The following IMMP2L variants were observed in gnomAD, a reference collection of about 807,000 sequenced individuals.
IMMP2L encodes the protein inner mitochondrial membrane peptidase subunit 2, also known as mitochondrial inner membrane protease subunit 2.
IMMP2L carries 18 observed loss-of-function variants against 19.3 expected under a neutral mutation model. The ratio of observed to expected loss-of-function variants is 0.93; its 90% CI spans 0.64 to 1.38. The LOEUF is 1.38. Ranked by LOEUF, IMMP2L falls within the 40% of genes most tolerant of loss-of-function variation. The probability of loss-of-function intolerance (pLI) is 0.00; values close to 1 mark genes in which losing one functional copy is unlikely to be tolerated. For synonymous variants in IMMP2L, 76 were observed against 73.0 expected (o/e 1.04, Z -0.21); for missense variants, 233 against 218.2 (o/e 1.07, Z -0.43).
At chr7:111,017,149 C>G (rs1383107157) in intron 3 of IMMP2L, among the ~76,000 whole-genome samples, 1 of 150,192 alleles carries the variant, frequency 6.7e-6, no homozygotes. Context: ...CTCACTGCAG[C>G]CTCAACCTCC....
intron 3 of IMMP2L, among the ~76,000 whole-genome samples, chr7:111,089,277 A>G (rs1214765646): frequency 1.3e-5 from 2 of 152,160 alleles, no homozygotes; most frequent in East Asian, 1.9e-4. Context: ...TTAATCATGT[A>G]TCTGACTATC....
chr7:110,663,245 C>T lies in IMMP2L; in HGVS notation c.*357G>A, dbSNP rs1250475540. The T allele has an allele frequency of 5.2e-6, 1 of 192,644 alleles. No homozygotes were observed. Among genetic ancestry groups the T allele is most frequent in the East Asian group, 1.7e-4 (1 of 5,932 alleles). The allele number at this position is 192,644 out of a possible 1,614,324, so 11.9% of individuals were successfully genotyped here. A position where few individuals can be genotyped will look rare whatever the true frequency, so the allele number is the denominator to read the frequency against. ...AATATTAATTTTCAATTTATTTCAG[C>T]AGCAAGCACCAAAATCAAAACCCAA... On this transcript the variant is annotated 3_prime_UTR_variant, in exon 6 of 6. Coordinates refer to ENST00000405709, the MANE Select transcript of IMMP2L (RefSeq NM_032549.4).
At chr7:111,239,458 G>A (rs37716) in intron 3 of IMMP2L, among the ~76,000 whole-genome samples, 66,331 of 151,474 alleles carry the variant, frequency 0.44, 15,267 homozygotes, top group Non-Finnish European at 0.52. Flanking sequence ...AAATGTGCAC[G>A]AATTATAAAC....
At chr7:110,874,051 TA>T (rs1266881142) in intron 5 of IMMP2L, among the ~76,000 whole-genome samples, 1 of 152,072 alleles carries the variant, frequency 6.6e-6, no homozygotes, top group African/African-American at 2.4e-5. Context: ...AAAGAATATA[TA>T]GGGTATTTTT....
intron 3 of IMMP2L, among the ~76,000 whole-genome samples, chr7:111,077,492 C>T (rs1795513832): frequency 6.6e-6 from 1 of 152,166 alleles, no homozygotes; most frequent in African/African-American, 2.4e-5. Context: ...CCCTTATACA[C>T]AATCCATTAA....
At chr7:111,094,354 T>C (rs556394385) in intron 3 of IMMP2L, among the ~76,000 whole-genome samples, 2 of 152,206 alleles carry the variant, frequency 1.3e-5, no homozygotes, top group South Asian at 4.1e-4. Flanking sequence ...AAAAGAAAGC[T>C]AATAGTAGAC....
chr7:110,776,879 T>G (rs1319218744), intron 5 of IMMP2L, among the ~76,000 whole-genome samples: 1 of 152,000 alleles, frequency 6.6e-6, no homozygotes, highest in Non-Finnish European at 1.5e-5. Context: ...GTTTATTCTA[T>G]CTTATTGCAG....
chr7:111,250,011 C>G (rs946640779), intron 3 of IMMP2L, among the ~76,000 whole-genome samples: 1 of 152,070 alleles, frequency 6.6e-6, no homozygotes, highest in Non-Finnish European at 1.5e-5. Context: ...AAAACCCCAC[C>G]GTCTCAGCCC....
chr7:110,911,989 T>C (rs570573481), intron 4 of IMMP2L, among the ~76,000 whole-genome samples: 8 of 152,106 alleles, frequency 5.3e-5, no homozygotes, highest in Non-Finnish European at 1.0e-4. Context: ...CTATAGTACA[T>C]GCAATGTTTA....
chr7:110,818,158 C>T (rs916070009), intron 5 of IMMP2L, among the ~76,000 whole-genome samples: 2 of 152,086 alleles, frequency 1.3e-5, no homozygotes, highest in Admixed American at 1.3e-4. Flanking sequence ...AAAGAAACTA[C>T]CATCAGAGTG....
At chr7:111,210,901 A>G (rs1811238158) in intron 3 of IMMP2L, among the ~76,000 whole-genome samples, 1 of 152,176 alleles carries the variant, frequency 6.6e-6, no homozygotes, top group Non-Finnish European at 1.5e-5. Context: ...AGCAGTGTAG[A>G]TAAGGATAAG....
chr7:110,766,705 T>C (rs565212438), intron 5 of IMMP2L, among the ~76,000 whole-genome samples: 3 of 152,110 alleles, frequency 2.0e-5, no homozygotes, highest in Non-Finnish European at 4.4e-5. Flanking sequence ...CCTTTTTGAA[T>C]GGTTTCCTTT....
At chr7:111,288,192 A>G (rs1228518712) in intron 3 of IMMP2L, among the ~76,000 whole-genome samples, 4 of 152,192 alleles carry the variant, frequency 2.6e-5, no homozygotes, top group Admixed American at 1.3e-4. Context: ...ATATGCAGCC[A>G]TAAGCAGGAA....
intron 3 of IMMP2L, among the ~76,000 whole-genome samples, chr7:110,982,549 A>C (rs1186904156): frequency 1.3e-5 from 2 of 152,154 alleles, no homozygotes; most frequent in Non-Finnish European, 2.9e-5. Context: ...GGAGGTGGTC[A>C]TACTAGGTCA....
chr7:111,530,609 G>A (rs1166224151), intron 1 of IMMP2L, among the ~76,000 whole-genome samples: 1 of 151,640 alleles, frequency 6.6e-6, no homozygotes, highest in East Asian at 1.9e-4. Flanking sequence ...GGACCACAGG[G>A]ATAGATTATA....
At chr7:111,493,684 G>A (rs374057242) in intron 2 of IMMP2L, among the ~76,000 whole-genome samples, 43 of 140,860 alleles carry the variant, frequency 3.1e-4, no homozygotes, top group African/African-American at 7.9e-4. Context: ...CAGCCTGGGC[G>A]ACAGAGCAAG....
intron 3 of IMMP2L, among the ~76,000 whole-genome samples, chr7:111,266,877 T>C (rs1185628266): frequency 1.3e-5 from 2 of 152,148 alleles, no homozygotes; most frequent in Admixed American, 6.6e-5. Context: ...ACAGCAGCTC[T>C]CCTATTTCTT....
intron 5 of IMMP2L, among the ~76,000 whole-genome samples, chr7:110,744,316 G>T (rs1033645950): frequency 6.6e-6 from 1 of 152,182 alleles, no homozygotes; most frequent in Non-Finnish European, 1.5e-5. Context: ...GGTTGTAGGC[G>T]CAGCTTCAGC....
At chr7:111,556,411 T>C (rs1791367102) in intron 1 of IMMP2L, among the ~76,000 whole-genome samples, 1 of 152,084 alleles carries the variant, frequency 6.6e-6, no homozygotes, top group Non-Finnish European at 1.5e-5. Context: ...AACATGTTAT[T>C]TTCCTTAAAT....
Sources: gnomAD v4.1 joint callset for allele counts (sites outside exome capture counted in the v4.1 genomes callset) on GRCh38, gnomAD v4.1.1 for gene constraint, MANE v1.5 for transcripts, NCBI Gene and HGNC (gene_info 2026-07-23, HGNC 2026-07-21) for gene names.